XXYLT1: variants seen among roughly 807,000 people sequenced by gnomAD.
XXYLT1 encodes UDP-xylose:alpha-xyloside alpha-1,3-xylosyltransferase.
Under a neutral mutation model 28.9 loss-of-function variants are expected in XXYLT1, and 20 were observed. The observed-to-expected ratio is 0.69, with a 90% confidence interval of 0.49 to 1.00. The LOEUF is 1.00. Among genes scored for constraint, XXYLT1 ranks in the 50% least tolerant of loss-of-function variants. XXYLT1 has a pLI of 0.00. For synonymous variants in XXYLT1, 257 were observed against 253.8 expected (o/e 1.01, Z -0.12); for missense variants, 542 against 560.1 (o/e 0.97, Z 0.33).
intron 2 of XXYLT1, among the ~76,000 whole-genome samples, chr3:195,223,331 G>T (rs1723912220): frequency 6.6e-6 from 1 of 152,148 alleles, no homozygotes; most frequent in South Asian, 2.1e-4. Context: ...CACAGAAAAA[G>T]AATTTGGATT....
chr3:195,145,901 G>A (rs1445441941), intron 3 of XXYLT1, among the ~76,000 whole-genome samples: 2 of 152,192 alleles, frequency 1.3e-5, no homozygotes, highest in African/African-American at 4.8e-5. Context: ...AGTCAATTCT[G>A]CTACCATGAA....
At chr3:195,226,922 C>T (rs1007925173) in intron 1 of XXYLT1, 66 bp from the exon 2 acceptor site, 2 of 1,569,448 alleles carry the variant, frequency 1.3e-6, no homozygotes, top group Non-Finnish European at 8.6e-7. Context: ...CAACACCCAA[C>T]AAGCACCTGG....
chr3:195,087,518 G>T (rs1715799970), intron 3 of XXYLT1: 1 of 152,344 alleles, frequency 6.6e-6, no homozygotes, highest in African/African-American at 2.4e-5. Flanking sequence ...AGGCAGTCAG[G>T]CTCCCTGCAC....
intron 1 of XXYLT1, among the ~76,000 whole-genome samples, chr3:195,228,267 G>A (rs897877505): frequency 6.8e-6 from 1 of 146,246 alleles, no homozygotes; most frequent in East Asian, 2.0e-4. Context: ...TGTTTACACT[G>A]TCACTTGCCC....
Position 195,271,099 on chromosome 3 carries a change from G to T in XXYLT1, c.-41C>A. 7.7e-7 allele frequency: 1 copy of T among 1,303,174 alleles called. No individual in the cohort carries two copies. The allele number at this position is 1,303,174 out of a possible 1,614,324, so 80.7% of individuals were successfully genotyped here. On this transcript the variant is annotated 5_prime_UTR_variant, in exon 1 of 4. Transcript: ENST00000310380. ...GGCGCCAGCGGTGCCAGCAACGCGG[G>T]AGAGCCCTCGGGTACCCGGACGCCG... is the stretch of plus-strand genomic sequence containing the variant.
At position 195,110,328 on chromosome 3, in the gene XXYLT1, G is replaced by T. The variant is rs62645782; in HGVS notation, c.786-40217C>A. On this transcript the variant is annotated intron_variant, in intron 3 of 3. Coordinates refer to ENST00000310380, the MANE Select transcript of XXYLT1 (RefSeq NM_152531.5). ...TATATGTGTGTGTGGGTGAGGGTGA[G>T]GTGTGTGTATGTGTGTGGTGTGTGG... 4.4e-4 allele frequency among the ~76,000 whole-genome samples: 9 copies of T among 20,590 alleles called. 1 individual carries two copies. Among genetic ancestry groups the T allele is most frequent in the African/African-American group, 1.6e-3 (8 of 4,994 alleles). 13.5% of individuals were successfully genotyped at this position (20,590 alleles called of 152,430 possible).
intron 1 of XXYLT1, among the ~76,000 whole-genome samples, chr3:195,241,088 G>C (rs1201251576): frequency 6.6e-6 from 1 of 152,216 alleles, no homozygotes; most frequent in Non-Finnish European, 1.5e-5. Context: ...GCCTCGTCAA[G>C]CCTGGCAGAA....
intron 2 of XXYLT1, among the ~76,000 whole-genome samples, chr3:195,165,401 C>CAGCG (rs1238011961): frequency 4.4e-4 from 67 of 152,274 alleles, no homozygotes; most frequent in Admixed American, 1.4e-3. Flanking sequence ...GCCGGCTTCT[C>CAGCG]AGCGAGAGGA....
At chr3:195,236,947 G>A (rs529777640) in intron 1 of XXYLT1, among the ~76,000 whole-genome samples, 15 of 152,072 alleles carry the variant, frequency 9.9e-5, no homozygotes, top group African/African-American at 2.9e-4. Flanking sequence ...TTATCCTACC[G>A]TGACTGAGCT....
intron 2 of XXYLT1, among the ~76,000 whole-genome samples, chr3:195,190,093 C>G (rs909797490): frequency 6.8e-6 from 1 of 147,086 alleles, no homozygotes; most frequent in Non-Finnish European, 1.5e-5. Flanking sequence ...AAACATCAAC[C>G]AAGAATTCCG....
intron 1 of XXYLT1, among the ~76,000 whole-genome samples, chr3:195,249,751 C>T (rs1050240416): frequency 6.6e-6 from 1 of 152,216 alleles, no homozygotes. Flanking sequence ...CACTACAAAC[C>T]CAAGCGCTGT....
intron 1 of XXYLT1, among the ~76,000 whole-genome samples, chr3:195,241,918 T>C (rs1724793452): frequency 1.3e-5 from 2 of 152,248 alleles, no homozygotes; most frequent in African/African-American, 2.4e-5. Context: ...ATAATACTTA[T>C]CACCAGACAT....
Position 195,271,135 on chromosome 3 carries a change from A to G in XXYLT1, c.-77T>C. 1 of 1,261,240 alleles carries G rather than the reference A, an allele frequency of 7.9e-7. No homozygotes were observed. The highest frequency in any genetic ancestry group is 9.9e-7 in the Non-Finnish European group (1 of 1,005,160). The allele number at this position is 1,261,240 out of a possible 1,614,324, so 78.1% of individuals were successfully genotyped here. A position where few individuals can be genotyped will look rare whatever the true frequency, so the allele number is the denominator to read the frequency against. The stretch of plus-strand genomic sequence containing the variant: ...GGTACCCGGACGCCGGCGGCCACTT[A>G]GCCCCGGCGCCAGGCGGCGGCCATG... On this transcript the variant is annotated 5_prime_UTR_variant, in exon 1 of 4. An upstream open reading frame in the 5' UTR loses its in-frame stop. Transcript: ENST00000310380.
At chr3:195,239,736 G>A (rs76597686) in intron 1 of XXYLT1, among the ~76,000 whole-genome samples, 8 of 152,252 alleles carry the variant, frequency 5.3e-5, no homozygotes, top group Non-Finnish European at 1.2e-4. Context: ...ATGAAGCCCA[G>A]AGTCAAGCTG....
In XXYLT1 at chr3:195,256,281, G is replaced by A. The variant is rs1178453740; in HGVS notation, c.504+14274C>T. 6.6e-6 allele frequency among the ~76,000 whole-genome samples: 1 copy of A among 152,196 alleles called. No homozygotes were observed. On this transcript the variant is annotated intron_variant, in intron 1 of 3. Transcript: ENST00000310380. This position sits in a 1 kb window ranked among gnomAD's most constrained non-coding sequence, Gnocchi z 4.2. Reference sequence around the variant, plus strand: ...GCTGCTCCAAGGTTAAATGAGGGAGGAAAAGCAGGATCCAGCATGGTGCCT... The same window carrying A: ...GCTGCTCCAAGGTTAAATGAGGGAGAAAAAGCAGGATCCAGCATGGTGCCT...
chr3:195,165,658 T>C lies in XXYLT1; in HGVS notation c.653-9077A>G, dbSNP rs552621051. Among the ~76,000 whole-genome samples, 15 of 152,284 alleles carry C rather than the reference T, an allele frequency of 9.9e-5. No individual in the cohort carries two copies. The East Asian group carries it at 2.9e-3, about 29-fold the overall frequency. On this transcript the variant is annotated intron_variant, in intron 2 of 3. Transcript: ENST00000310380. Reference sequence around the variant, plus strand: ...GACAGTTTGCAAACTGACTAGCCAATGGTCAAATGGCTCTTCAGCTTTCCT... The same window carrying C: ...GACAGTTTGCAAACTGACTAGCCAACGGTCAAATGGCTCTTCAGCTTTCCT...
chr3:195,114,600 T>C (rs916297520), intron 3 of XXYLT1, among the ~76,000 whole-genome samples: 3 of 152,202 alleles, frequency 2.0e-5, no homozygotes, highest in Non-Finnish European at 4.4e-5. Flanking sequence ...TTCCTGCTCA[T>C]GACAGTGCTG....
chr3:195,218,133 C>T (rs1239590437), intron 2 of XXYLT1, among the ~76,000 whole-genome samples: 2 of 147,192 alleles, frequency 1.4e-5, no homozygotes, highest in Non-Finnish European at 3.0e-5. Context: ...GAAACTGGAT[C>T]CCTTCCTTAC....
Position 195,195,571 on chromosome 3 carries a change from G to A in XXYLT1, c.652+31138C>T, listed in dbSNP as rs1415274173. On this transcript the variant is annotated intron_variant, in intron 2 of 3. Coordinates refer to ENST00000310380, the MANE Select transcript of XXYLT1 (RefSeq NM_152531.5). This position sits in a 1 kb window ranked among gnomAD's most constrained non-coding sequence, Gnocchi z 4.4. ...GTTCCTGGAACCATCTAGATCCCTG[G>A]GGAGAGGCTACCCGTGGTTTGTTGT... Among the ~76,000 whole-genome samples the A allele has an allele frequency of 6.6e-6, 1 of 152,196 alleles. No homozygotes were observed. The highest frequency in any genetic ancestry group is 1.5e-5 in the Non-Finnish European group (1 of 68,030).
Sources: gnomAD v4.1 joint callset for allele counts (sites outside exome capture counted in the v4.1 genomes callset) on GRCh38, gnomAD v4.1.1 for gene constraint, Gnocchi (gnomAD v3.1) non-coding constraint, MANE v1.5 for transcripts, NCBI Gene and HGNC (gene_info 2026-07-23, HGNC 2026-07-21) for gene names.